DLC1: variants seen among roughly 807,000 people sequenced by gnomAD.
DLC1 encodes rho GTPase-activating protein 7.
In DLC1, 54 loss-of-function variants were observed where a neutral mutation model predicts 140.3. The ratio of observed to expected loss-of-function variants is 0.38; its 90% CI spans 0.31 to 0.48. DLC1 has a LOEUF of 0.48. Among genes scored for constraint, DLC1 ranks in the 20% least tolerant of loss-of-function variants. DLC1 has a pLI of 0.96. For synonymous variants in DLC1, 986 were observed against 728.1 expected, an observed-to-expected ratio of 1.35 and a Z score of -5.70; for missense variants, 2,536 against 1,907.0, an observed-to-expected ratio of 1.33 and a Z score of -6.14.
At chr8:13,395,638 C>T (rs1045105645) in intron 3 of DLC1, among the ~76,000 whole-genome samples, 1 of 152,114 alleles carries the variant, frequency 6.6e-6, no homozygotes, top group Non-Finnish European at 1.5e-5. Context: ...TTTATTGTTT[C>T]TGCTGTAAAA....
chr8:13,243,760 G>A (rs868656008), intron 5 of DLC1, among the ~76,000 whole-genome samples: 1 of 152,190 alleles, frequency 6.6e-6, no homozygotes. Context: ...ACAACATCAA[G>A]TTACTAGCAA....
chr8:13,546,336 C>A (rs1331506445), intron 1 of DLC1, among the ~76,000 whole-genome samples: 1 of 151,942 alleles, frequency 6.6e-6, no homozygotes, highest in East Asian at 1.9e-4. Flanking sequence ...GTTGCAATGT[C>A]AAATATTTAT....
At chr8:13,264,354 T>A (rs1246658094) in intron 5 of DLC1, among the ~76,000 whole-genome samples, 1 of 152,136 alleles carries the variant, frequency 6.6e-6, no homozygotes, top group Non-Finnish European at 1.5e-5. Context: ...ATTACGGGTG[T>A]CAGCTACTGT....
intron 1 of DLC1, among the ~76,000 whole-genome samples, chr8:13,596,999 A>G (rs1805703934): frequency 6.6e-6 from 1 of 151,820 alleles, no homozygotes; most frequent in African/African-American, 2.4e-5. Context: ...CGTTTGTTTG[A>G]AGGAGAGATT....
In DLC1 at chr8:13,499,562, A is replaced by C; in HGVS notation, c.510T>G (p.Thr170=). 1 of 1,614,184 alleles carries C rather than the reference A, an allele frequency of 6.2e-7. No individual in the cohort carries two copies. The highest frequency in any genetic ancestry group is 8.5e-7 in the Non-Finnish European group (1 of 1,180,032). ...SSNSWGIAGE[T]ELALVKESGE... The stretch of plus-strand genomic sequence containing the variant: ...CACTTTCTTTTACCAGTGCTAATTC[A>C]GTTTCACCAGCTATTCCCCAGGAGT... The change falls in exon 2 of 18, where the codon ACT becomes ACG. Residue 170 remains threonine (T), a synonymous_variant. Coordinates refer to ENST00000276297, the MANE Select transcript of DLC1 (RefSeq NM_182643.3).
intron 5 of DLC1, among the ~76,000 whole-genome samples, chr8:13,170,772 C>A (rs1049960988): frequency 1.3e-5 from 2 of 150,150 alleles, no homozygotes; most frequent in African/African-American, 4.9e-5. Context: ...ATGTGTGTTG[C>A]AGAAAATGTG....
chr8:13,425,140 A>C (rs1254594694), intron 2 of DLC1, among the ~76,000 whole-genome samples: 1 of 151,792 alleles, frequency 6.6e-6, no homozygotes, highest in Non-Finnish European at 1.5e-5. Flanking sequence ...AAAAAGGGTC[A>C]TTATCTCTCA....
chr8:13,268,719 G>A (rs911691427), intron 5 of DLC1, among the ~76,000 whole-genome samples: 2 of 151,930 alleles, frequency 1.3e-5, no homozygotes, highest in Non-Finnish European at 2.9e-5. Context: ...CTCTATGGGG[G>A]CATCCAGAAA....
At chr8:13,553,665 T>C (rs1159093032) in intron 1 of DLC1, among the ~76,000 whole-genome samples, 1 of 151,960 alleles carries the variant, frequency 6.6e-6, no homozygotes, top group Non-Finnish European at 1.5e-5. Context: ...TCCATTTTTC[T>C]GTCCCCCTTC....
rs77753653 is a variant in DLC1 at position 13,406,181 on chromosome 8, G to GTTTTTTTTTTTTT, written c.1024-4575_1024-4563dup. Among the ~76,000 whole-genome samples, 124 of 84,948 alleles carry GTTTTTTTTTTTTT rather than the reference G, an allele frequency of 1.5e-3. 12 individuals carry two copies. The highest frequency in any genetic ancestry group is 4.7e-3 in the African/African-American group (98 of 21,046). 55.7% of individuals were successfully genotyped at this position (84,948 alleles called of 152,430 possible). On this transcript the variant is annotated intron_variant, in intron 2 of 17. Transcript: ENST00000276297. ...GCCACCATCCCCAGCTAATTTTTGTGTTTTTTTTTTTTTTTTTCAGTGGAG... is the reference window on the plus strand; with the variant it reads ...GCCACCATCCCCAGCTAATTTTTGTGTTTTTTTTTTTTTTTTTTTTTTTTTTTTTTCAGTGGAG...
chr8:13,228,495 C>T (rs996155470), intron 5 of DLC1, among the ~76,000 whole-genome samples: 3 of 152,108 alleles, frequency 2.0e-5, no homozygotes, highest in Non-Finnish European at 4.4e-5. Context: ...GTAACCCCAA[C>T]ACTTTGGGAG....
At chr8:13,549,958 T>C (rs906582484) in intron 1 of DLC1, among the ~76,000 whole-genome samples, 10 of 152,102 alleles carry the variant, frequency 6.6e-5, no homozygotes, top group African/African-American at 2.4e-4. Flanking sequence ...TAGGAAATAT[T>C]TGTTGTGCTT....
intron 4 of DLC1, among the ~76,000 whole-genome samples, chr8:13,325,449 T>TACACAC (rs1554497506): frequency 0.037 from 1,434 of 38,258 alleles, 20 homozygotes; most frequent in Middle Eastern, 0.094. Context: ...TAGTTCTGTA[T>TACACAC]ACACACACAC....
rs563895692 is a variant in DLC1 at position 13,360,549 on chromosome 8, G to T, written c.1314+33004C>A. Among the ~76,000 whole-genome samples, 6 of 152,156 alleles carry T rather than the reference G, an allele frequency of 3.9e-5. No individual in the cohort carries two copies. The East Asian group carries it at 9.7e-4, about 24-fold the overall frequency. ...CTGTTTCTGATTTAATTGATACAGCGCTGGGCTTGGGCATTGGGATTGTTA... is the reference window on the plus strand; with the variant it reads ...CTGTTTCTGATTTAATTGATACAGCTCTGGGCTTGGGCATTGGGATTGTTA... On this transcript the variant is annotated intron_variant, in intron 4 of 17. Transcript: ENST00000276297.
At chr8:13,312,315 C>T (rs1291201694) in intron 4 of DLC1, among the ~76,000 whole-genome samples, 9 of 115,850 alleles carry the variant, frequency 7.8e-5, no homozygotes, top group Admixed American at 5.5e-4. Flanking sequence ...GAGCCGAGAT[C>T]GCGCCACTGC....
chr8:13,352,858 GA>G (rs1159218588), intron 4 of DLC1, among the ~76,000 whole-genome samples: 3 of 151,950 alleles, frequency 2.0e-5, no homozygotes, highest in African/African-American at 7.3e-5. Flanking sequence ...CACCTACCAG[GA>G]ACACGAGTAT....
chr8:13,195,757 A>C (rs1006458965), intron 5 of DLC1, among the ~76,000 whole-genome samples: 3 of 152,174 alleles, frequency 2.0e-5, no homozygotes, highest in Non-Finnish European at 4.4e-5. Flanking sequence ...CCATCCCTGG[A>C]GGTGTTCAAG....
At chr8:13,536,445 T>C (rs750476877) in intron 1 of DLC1, among the ~76,000 whole-genome samples, 2 of 152,206 alleles carry the variant, frequency 1.3e-5, no homozygotes, top group Admixed American at 1.3e-4. Flanking sequence ...AAGTGGTTAC[T>C]ATGCAGGAGG....
At chr8:13,194,152 C>T (rs1826919834) in intron 5 of DLC1, among the ~76,000 whole-genome samples, 1 of 152,136 alleles carries the variant, frequency 6.6e-6, no homozygotes, top group South Asian at 2.1e-4. Flanking sequence ...GAAAACATAC[C>T]TGTGTTCAAA....
Sources: gnomAD v4.1 joint callset for allele counts (sites outside exome capture counted in the v4.1 genomes callset) on GRCh38, gnomAD v4.1.1 for gene constraint, MANE v1.5 for transcripts, NCBI Gene and HGNC (gene_info 2026-07-23, HGNC 2026-07-21) for gene names.